The following CRYAB variants were observed in gnomAD, a reference collection of about 807,000 sequenced individuals.
The protein encoded by CRYAB is crystallin alpha B, also known as alpha-crystallin B chain.
In CRYAB, 9 loss-of-function variants were observed where a neutral mutation model predicts 12.7. The observed-to-expected ratio is 0.71, with a 90% CI of 0.43 to 1.24. The LOEUF is 1.24. Ranked by LOEUF, CRYAB falls within the 50% of genes most tolerant of loss-of-function variation. CRYAB has a pLI of 0.00. For missense variants in CRYAB, 183 were observed against 226.6 expected, an observed-to-expected ratio of 0.81 and a Z score of 1.24; for synonymous variants, 93 against 86.8, an observed-to-expected ratio of 1.07 and a Z score of -0.40.
chr11:111,923,409 C>T (rs1185465513), intron 1 of CRYAB, among the ~76,000 whole-genome samples: 1 of 152,198 alleles, frequency 6.6e-6, no homozygotes, highest in African/African-American at 2.4e-5. Context: ...TCAGTCTTCT[C>T]TCTCTCGCCC....
rs1965344226 is a variant in CRYAB at position 111,908,580 on chromosome 11, AT to A, written c.*183del. 1.6e-6 allele frequency: 1 copy of A among 614,618 alleles called. No homozygotes were observed. The highest frequency in any genetic ancestry group is 2.9e-6 in the Non-Finnish European group (1 of 347,358). The allele number at this position is 614,618 out of a possible 1,614,324, so 38.1% of individuals were successfully genotyped here. A position where few individuals can be genotyped will look rare whatever the true frequency, so the allele number is the denominator to read the frequency against. On this transcript the variant is annotated 3_prime_UTR_variant, in exon 3 of 3. Coordinates refer to ENST00000650687, the MANE Select transcript of CRYAB (RefSeq NM_001289808.2). ...ATAAATAGATCTGTGGTATCTGTAT[AT>A]TTATTTAAAAGTGTGTGGAATATTC...
At chr11:111,909,280 A>G (rs538347596) in intron 2 of CRYAB, 1 of 475,496 alleles carries the variant, frequency 2.1e-6, no homozygotes, top group African/African-American at 2.0e-5. Flanking sequence ...AGAATTTGGA[A>G]TCTCATTTAG....
chr11:111,915,625 C>T (rs1965586214), upstream of CRYAB, among the ~76,000 whole-genome samples: 2 of 152,172 alleles, frequency 1.3e-5, no homozygotes, highest in Non-Finnish European at 1.5e-5. Context: ...AATTTGAAAA[C>T]TTCTGATTTA....
At chr11:111,920,754 A>T (rs1555166486) in intron 1 of CRYAB, among the ~76,000 whole-genome samples, 1 of 152,120 alleles carries the variant, frequency 6.6e-6, no homozygotes, top group East Asian at 1.9e-4. Flanking sequence ...ACAGAATGAG[A>T]CCCTGTCTCA....
upstream of CRYAB, chr11:111,913,669 A>G: frequency 6.2e-7 from 1 of 1,613,954 alleles, no homozygotes; most frequent in Non-Finnish European, 8.5e-7. Context: ...CAGCGCCTGG[A>G]CCGCCACGGC....
chr11:111,921,462 T>C (rs1965697543), intron 1 of CRYAB, among the ~76,000 whole-genome samples: 1 of 152,236 alleles, frequency 6.6e-6, no homozygotes, highest in South Asian at 2.1e-4. Flanking sequence ...AAAATTTTAC[T>C]CTTTATTAAG....
At chr11:111,909,794 G>A (rs545095254) in intron 2 of CRYAB, 6 of 243,358 alleles carry the variant, frequency 2.5e-5, no homozygotes, top group Admixed American at 5.1e-5. Context: ...CACAACTCAA[G>A]TGCTTTTAGG....
chr11:111,918,879 C>A, intron 1 of CRYAB: 1 of 1,459,062 alleles, frequency 6.9e-7, no homozygotes, highest in East Asian at 2.3e-5. Context: ...ACACAGACTC[C>A]GGGAGCTGCC....
chr11:111,913,680 T>A (rs149492778), upstream of CRYAB: 60 of 1,614,046 alleles, frequency 3.7e-5, no homozygotes, highest in Non-Finnish European at 4.5e-5. Flanking sequence ...CCGCCACGGC[T>A]TCGTGTCCCG....
upstream of CRYAB, among the ~76,000 whole-genome samples, chr11:111,915,311 G>A (rs955190103): frequency 1.3e-5 from 2 of 152,236 alleles, no homozygotes; most frequent in African/African-American, 4.8e-5. Context: ...TCGACTTTTG[G>A]TTAAAAGATT....
upstream of CRYAB, among the ~76,000 whole-genome samples, chr11:111,914,589 G>A (rs1965568509): frequency 6.6e-6 from 1 of 152,154 alleles, no homozygotes; most frequent in Non-Finnish European, 1.5e-5. Flanking sequence ...AATTATCACG[G>A]AACCCCATTA....
chr11:111,912,585 C>T, upstream of CRYAB: 2 of 558,756 alleles, frequency 3.6e-6, no homozygotes, highest in Non-Finnish European at 3.2e-6. Flanking sequence ...AGGCCCCCTG[C>T]GACAGCTGAA....
intron 2 of CRYAB, 113 bp from the exon 3 acceptor site, chr11:111,909,080 A>G (rs1555165283): frequency 3.8e-6 from 4 of 1,045,976 alleles, no homozygotes; most frequent in African/African-American, 1.6e-5. Context: ...TGCCATGACA[A>G]CATAGGAAAA....
rs182256660 is a variant in CRYAB, at chr11:111,922,453, A to G, written c.-199+1250T>C. Among the ~76,000 whole-genome samples, 12 of 152,272 alleles carry G rather than the reference A, an allele frequency of 7.9e-5. No individual in the cohort carries two copies. In the East Asian group the frequency reaches 2.3e-3, roughly 29 times the overall value. The stretch of plus-strand genomic sequence containing the variant: ...AGGTAATAATCATTCATTGCAGAAA[A>G]TTTAACTTCTGCAACGAGCAGAAAA... On this transcript the variant is annotated intron_variant, in intron 1 of 3. Coordinates refer to the CRYAB transcript ENST00000527950.
chr11:111,911,716 G>C lies in CRYAB; in HGVS notation c.9C>G (p.Ile3Met). Reference sequence around the variant, plus strand: ...GGCGGATCCAGGGGTGGTGGATGGCGATGTCCATGGTGGCTAGGTGAGTGT... The same window carrying C: ...GGCGGATCCAGGGGTGGTGGATGGCCATGTCCATGGTGGCTAGGTGAGTGT... MD[I>M]AIHHPWIRRP... is the part of the protein sequence containing the mutation. The change falls in exon 1 of 3, where the codon ATC (isoleucine) becomes ATG (methionine). Residue 3 changes from isoleucine to methionine, a missense_variant. Around this residue, in one of 3 missense-constraint regions of CRYAB, gnomAD observed 86 missense variants for 96.1 expected, o/e 0.89. Transcript: ENST00000650687. The C allele has an allele frequency of 6.3e-7, 1 of 1,584,182 alleles. No individual in the cohort carries two copies. The highest frequency in any genetic ancestry group is 8.6e-7 in the Non-Finnish European group (1 of 1,165,000).
intron 1 of CRYAB, among the ~76,000 whole-genome samples, chr11:111,923,453 G>T (rs373506358): frequency 3.3e-5 from 5 of 152,338 alleles, no homozygotes; most frequent in African/African-American, 7.2e-5. Flanking sequence ...CCTCCCAGGA[G>T]ATGAGAGATC....
upstream of CRYAB, chr11:111,912,236 G>C (rs1965484873): frequency 5.2e-6 from 1 of 192,372 alleles, no homozygotes; most frequent in East Asian, 1.3e-4. Context: ...CCTTGGAAGA[G>C]AGCAGTGATG....
chr11:111,912,009 G>C (rs1277349990), upstream of CRYAB: 2 of 410,082 alleles, frequency 4.9e-6, no homozygotes, highest in Non-Finnish European at 9.0e-6. Flanking sequence ...ACACCCAATG[G>C]CACCCACCCC....
At chr11:111,912,901 G>A, upstream of CRYAB, 1 of 1,608,194 alleles carries the variant, frequency 6.2e-7, no homozygotes, top group Non-Finnish European at 8.5e-7. Flanking sequence ...CGAGCCGCCT[G>A]GGTGAGCAGC....
Sources: gnomAD v4.1 joint callset for allele counts (sites outside exome capture counted in the v4.1 genomes callset) on GRCh38, gnomAD v4.1.1 for gene constraint, gnomAD v4.1.1 regional missense constraint, MANE v1.5 for transcripts, NCBI Gene and HGNC (gene_info 2026-07-23, HGNC 2026-07-21) for gene names.